CES5A: variants seen among roughly 807,000 people sequenced by gnomAD.
The protein encoded by CES5A is carboxylesterase 5A.
A neutral mutation model predicts 62.9 loss-of-function variants in CES5A; 67 were observed. The ratio of observed to expected loss-of-function variants is 1.07; its 90% CI spans 0.88 to 1.31. The LOEUF (loss-of-function observed/expected upper bound fraction) is 1.31. Ranked by LOEUF, CES5A falls within the 50% of genes most tolerant of loss-of-function variation. CES5A has a pLI of 0.00. For synonymous variants in CES5A, 296 were observed against 280.8 expected (o/e 1.05, Z -0.54); for missense variants, 748 against 708.5 (o/e 1.06, Z -0.63).
At chr16:55,949,711 T>G in intron 2 of CES5A, 1 of 520,352 alleles carries the variant, frequency 1.9e-6, no homozygotes, top group Non-Finnish European at 3.2e-6. Context: ...AATGGAACCA[T>G]GGACTGTGAG....
chr16:55,947,865 A>G (rs552838579), intron 2 of CES5A, among the ~76,000 whole-genome samples: 1 of 152,190 alleles, frequency 6.6e-6, no homozygotes, highest in South Asian at 2.1e-4. Context: ...GCCAGGTCAT[A>G]AACAGCCTTG....
At chr16:55,895,302 G>C (rs1355253524) in intron 1 of CES5A, among the ~76,000 whole-genome samples, 1 of 152,136 alleles carries the variant, frequency 6.6e-6, no homozygotes, top group Non-Finnish European at 1.5e-5. Context: ...AAATAACAAA[G>C]TTTCAAAAAG....
chr16:55,863,484 G>C, intron 5 of CES5A, 32 bp from the exon 6 acceptor site: 1 of 1,103,944 alleles, frequency 9.1e-7, no homozygotes, highest in Non-Finnish European at 1.4e-6. Context: ...CCCAGGAAAG[G>C]TTACTCCCCA....
chr16:55,918,045 C>A (rs2034165332), intron 1 of CES5A, among the ~76,000 whole-genome samples: 1 of 152,186 alleles, frequency 6.6e-6, no homozygotes, highest in South Asian at 2.1e-4. Flanking sequence ...GGAAGTGAAG[C>A]AGCAGTCAGC....
At chr16:55,874,116 G>T (rs1172128616) in intron 1 of CES5A, 79 bp from the exon 2 acceptor site, 3 of 1,266,618 alleles carry the variant, frequency 2.4e-6, no homozygotes, top group Non-Finnish European at 3.3e-6. Context: ...GAGCTCCCCA[G>T]TGGGGATGTG....
intron 1 of CES5A, among the ~76,000 whole-genome samples, chr16:55,955,559 A>T (rs1435569679): frequency 1.3e-5 from 2 of 152,318 alleles, no homozygotes; most frequent in East Asian, 3.9e-4. Flanking sequence ...ACTGCCATTA[A>T]ATCGCCACAT....
chr16:55,852,955 C>G lies in CES5A; in HGVS notation c.1199G>C (p.Arg400Pro). The change falls in exon 10 of 13, where the codon CGA becomes CCA. Residue 400 changes from arginine (R) to proline (P), a missense_variant. Coordinates refer to ENST00000290567, the MANE Select transcript of CES5A (RefSeq NM_001143685.2). ...TCCAAGCAAGTCCAGAAGACTGTCTCGGATTTCAGTCAGGGAGTGCTTGTC... is the reference window on the plus strand; with the variant it reads ...TCCAAGCAAGTCCAGAAGACTGTCTGGGATTTCAGTCAGGGAGTGCTTGTC... ...FHDKHSLTEI[R>P]DSLLDLLGDV... 1 of 1,614,144 alleles carries G rather than the reference C, an allele frequency of 6.2e-7. No homozygotes were observed. Among genetic ancestry groups the G allele is most frequent in the Non-Finnish European group, 8.5e-7 (1 of 1,180,000 alleles).
intron 9 of CES5A, among the ~76,000 whole-genome samples, chr16:55,854,979 C>T (rs575602038): frequency 1.8e-4 from 28 of 152,228 alleles, no homozygotes; most frequent in Non-Finnish European, 3.5e-4. Flanking sequence ...TCTCTTCACA[C>T]CCCTCTGCTC....
intron 1 of CES5A, among the ~76,000 whole-genome samples, chr16:55,924,281 A>G (rs1323072427): frequency 6.6e-6 from 1 of 152,002 alleles, no homozygotes; most frequent in African/African-American, 2.4e-5. Flanking sequence ...CCAATAGCAA[A>G]CAATATGAAA....
chr16:55,866,932 A>G (rs184709562), intron 4 of CES5A, among the ~76,000 whole-genome samples: 1 of 152,240 alleles, frequency 6.6e-6, no homozygotes, highest in East Asian at 1.9e-4. Flanking sequence ...CTTTAAGGCT[A>G]ATACTCCTAC....
chr16:55,899,520 A>G (rs1172064776), intron 1 of CES5A, among the ~76,000 whole-genome samples: 1 of 152,150 alleles, frequency 6.6e-6, no homozygotes, highest in East Asian at 1.9e-4. Flanking sequence ...CTGTTTTCAA[A>G]CTGTCTCCTG....
At chr16:55,882,368 T>C (rs949486209) in intron 1 of CES5A, among the ~76,000 whole-genome samples, 1 of 152,078 alleles carries the variant, frequency 6.6e-6, no homozygotes, top group Non-Finnish European at 1.5e-5. Flanking sequence ...CTCAAAGGGG[T>C]TTAATTCCCT....
At chr16:55,926,352 G>A (rs1455469223), upstream of CES5A, among the ~76,000 whole-genome samples, 2 of 152,100 alleles carry the variant, frequency 1.3e-5, no homozygotes, top group Non-Finnish European at 2.9e-5. Flanking sequence ...TGTGGAAAAT[G>A]GAATTAAAAG....
intron 2 of CES5A, chr16:55,943,997 G>T: frequency 1.4e-6 from 1 of 701,828 alleles, no homozygotes; most frequent in Non-Finnish European, 2.6e-6. Flanking sequence ...CCCACCTGAG[G>T]ATTCTCTTTC....
chr16:55,855,697 A>C (rs1285481034), intron 9 of CES5A, among the ~76,000 whole-genome samples: 2 of 152,140 alleles, frequency 1.3e-5, no homozygotes, highest in African/African-American at 4.8e-5. Flanking sequence ...TGGGAACAAA[A>C]ATGACTGATA....
intron 8 of CES5A, among the ~76,000 whole-genome samples, chr16:55,858,312 G>A (rs146272798): frequency 6.6e-6 from 1 of 152,314 alleles, no homozygotes; most frequent in East Asian, 1.9e-4. Context: ...TAGCTGCTCT[G>A]AGCCTCAGTT....
rs201974680 is a variant in CES5A at position 55,863,348 on chromosome 16, G to A, written c.810C>T (p.Asp270=). 1.3e-5 allele frequency: 20 copies of A among 1,483,012 alleles called. No individual in the cohort carries two copies. The highest frequency in any genetic ancestry group is 5.0e-5 in the Admixed American group (3 of 59,834). 91.9% of individuals were successfully genotyped at this position (1,483,012 alleles called of 1,614,324 possible). The change falls in exon 6 of 13, where the codon GAC becomes GAT. Residue 270 remains aspartate (D), a splice_region_variant and synonymous_variant. Coordinates refer to ENST00000290567, the MANE Select transcript of CES5A (RefSeq NM_001143685.2). ...GGCAAGGTGTTAACAGTATACGTAC[G>A]TCCTCACTCTTCTCATAATCATGGG... ...LEAHDYEKSE[D]LQVVAHFCGN...
At chr16:55,914,698 T>C (rs929133426) in intron 1 of CES5A, among the ~76,000 whole-genome samples, 26 of 152,150 alleles carry the variant, frequency 1.7e-4, no homozygotes, top group African/African-American at 6.0e-4. Context: ...ATTGCTGGTC[T>C]GGGGAGCAGG....
upstream of CES5A, among the ~76,000 whole-genome samples, chr16:55,880,119 A>G (rs1342849366): frequency 2.6e-5 from 4 of 152,214 alleles, no homozygotes; most frequent in Admixed American, 2.0e-4. Context: ...GTGATCTCTC[A>G]TGCAGGTCAC....
Sources: allele counts gnomAD v4.1 joint callset (sites outside exome capture counted in the v4.1 genomes callset), GRCh38; gene constraint gnomAD v4.1.1; transcripts MANE v1.5; gene names NCBI Gene and HGNC (gene_info 2026-07-23, HGNC 2026-07-21).